The following RAB3C variants were observed in gnomAD, a reference collection of about 807,000 sequenced individuals.
RAB3C encodes RAB3C, member RAS oncogene family.
In RAB3C, 17 loss-of-function variants were observed where a neutral mutation model predicts 26.4. That is an observed-to-expected ratio of 0.64 (90% confidence interval 0.44 to 0.97). The LOEUF is 0.97. Ranked by LOEUF, RAB3C falls within the 50% of genes least tolerant of loss-of-function variation. RAB3C has a pLI of 0.00. For missense variants in RAB3C, 242 were observed against 281.9 expected (o/e 0.86, Z 1.01); for synonymous variants, 91 against 95.9 (o/e 0.95, Z 0.30).
At chr5:58,691,599 C>T (rs1400999558) in intron 2 of RAB3C, among the ~76,000 whole-genome samples, 1 of 152,098 alleles carries the variant, frequency 6.6e-6, no homozygotes. Context: ...CTGACTGGGA[C>T]TGAGACGGAA....
At chr5:58,670,936 C>T (rs529243865) in intron 2 of RAB3C, among the ~76,000 whole-genome samples, 2 of 152,232 alleles carry the variant, frequency 1.3e-5, no homozygotes, top group East Asian at 1.9e-4. Flanking sequence ...TCATGTCAAA[C>T]CCCTGGCCAT....
At chr5:58,810,039 T>C (rs1343155748) in intron 3 of RAB3C, among the ~76,000 whole-genome samples, 2 of 152,194 alleles carry the variant, frequency 1.3e-5, no homozygotes, top group African/African-American at 2.4e-5. Context: ...GTGGTGTTCC[T>C]TGACCCACAG....
chr5:58,828,450 T>G (rs1743538075), intron 4 of RAB3C, among the ~76,000 whole-genome samples: 1 of 152,202 alleles, frequency 6.6e-6, no homozygotes, highest in African/African-American at 2.4e-5. Context: ...TCCTGCACTC[T>G]GGCTTTCTAT....
chr5:58,839,944 T>C (rs2112078285), intron 4 of RAB3C, among the ~76,000 whole-genome samples: 1 of 151,612 alleles, frequency 6.6e-6, no homozygotes, highest in Non-Finnish European at 1.5e-5. Flanking sequence ...TTAAATATAT[T>C]ATTCCATTCC....
At chr5:58,739,139 G>A (rs293002) in intron 3 of RAB3C, among the ~76,000 whole-genome samples, 84,490 of 152,016 alleles carry the variant, frequency 0.56, 23,745 homozygotes, top group East Asian at 0.62. Context: ...GAACCTTACA[G>A]TTATTTTCAG....
At chr5:58,659,135 A>C (rs914718448) in intron 2 of RAB3C, among the ~76,000 whole-genome samples, 1 of 152,248 alleles carries the variant, frequency 6.6e-6, no homozygotes, top group African/African-American at 2.4e-5. Flanking sequence ...TCACACAGTG[A>C]ATTAATCACA....
At chr5:58,810,979 G>T (rs1441622658) in intron 3 of RAB3C, among the ~76,000 whole-genome samples, 2 of 152,146 alleles carry the variant, frequency 1.3e-5, no homozygotes, top group Non-Finnish European at 1.5e-5. Context: ...AGCCTCCAAG[G>T]AATGTGGTGT....
chr5:58,643,893 C>T (rs976314134), intron 2 of RAB3C, among the ~76,000 whole-genome samples: 2 of 152,186 alleles, frequency 1.3e-5, no homozygotes, highest in Admixed American at 1.3e-4. Context: ...GTGATCTCAG[C>T]TCACTGCAAC....
intron 1 of RAB3C, among the ~76,000 whole-genome samples, chr5:58,603,159 G>A (rs759999317): frequency 5.2e-4 from 79 of 152,236 alleles, no homozygotes; most frequent in African/African-American, 1.4e-3. Flanking sequence ...CTTCTAGCTC[G>A]TAGGGTTTCT....
chr5:58,849,762 C>T lies in RAB3C; in HGVS notation c.497-1402C>T, dbSNP rs964285512. The stretch of plus-strand genomic sequence containing the variant: ...GTAGTCATTGAACCAAATAGTATAA[C>T]GACTAAGTTGGAGATTTTAACTCAC... On this transcript the variant is annotated intron_variant, in intron 4 of 4. Transcript: ENST00000282878. Among the ~76,000 whole-genome samples, 10 of 152,240 alleles carry T rather than the reference C, an allele frequency of 6.6e-5. No homozygotes were observed. In the East Asian group the frequency reaches 9.6e-4, roughly 15 times the overall value.
At chr5:58,810,119 C>A (rs887695311) in intron 3 of RAB3C, among the ~76,000 whole-genome samples, 6 of 152,046 alleles carry the variant, frequency 3.9e-5, no homozygotes, top group African/African-American at 1.4e-4. Context: ...TGCTGAAAGC[C>A]GGGGAGAAAC....
At chr5:58,632,323 T>G (rs1225527850) in intron 2 of RAB3C, among the ~76,000 whole-genome samples, 1 of 152,198 alleles carries the variant, frequency 6.6e-6, no homozygotes, top group Non-Finnish European at 1.5e-5. Flanking sequence ...CCAGAGTCAG[T>G]CCCTTGTCGG....
intron 3 of RAB3C, among the ~76,000 whole-genome samples, chr5:58,736,813 C>T (rs1561304884): frequency 6.6e-6 from 1 of 152,164 alleles, no homozygotes; most frequent in Non-Finnish European, 1.5e-5. Flanking sequence ...CACAACTCAA[C>T]CCATAATACA....
chr5:58,820,032 T>A (rs1488774752), intron 3 of RAB3C, among the ~76,000 whole-genome samples: 9 of 152,012 alleles, frequency 5.9e-5, no homozygotes, highest in African/African-American at 1.9e-4. Context: ...TAGAAAGTTA[T>A]TGTGTATGCA....
chr5:58,651,811 G>A (rs751724706), intron 2 of RAB3C, among the ~76,000 whole-genome samples: 5 of 152,062 alleles, frequency 3.3e-5, no homozygotes, highest in Non-Finnish European at 5.9e-5. Context: ...TACCAAAATT[G>A]CCTGATGCTC....
At chr5:58,634,357 G>T (rs1024702072) in intron 2 of RAB3C, among the ~76,000 whole-genome samples, 1 of 152,108 alleles carries the variant, frequency 6.6e-6, no homozygotes, top group African/African-American at 2.4e-5. Flanking sequence ...TTCTGGTTAG[G>T]AGCACAGGCC....
chr5:58,715,616 G>C (rs1749154652), intron 2 of RAB3C, among the ~76,000 whole-genome samples: 1 of 152,108 alleles, frequency 6.6e-6, no homozygotes, highest in Non-Finnish European at 1.5e-5. Flanking sequence ...CGAGATATCT[G>C]TGTGTCCCAT....
At chr5:58,819,891 A>G (rs1011694611) in intron 3 of RAB3C, among the ~76,000 whole-genome samples, 1 of 152,190 alleles carries the variant, frequency 6.6e-6, no homozygotes, top group Non-Finnish European at 1.5e-5. Context: ...ACATTGAGAT[A>G]TGCCTTTTCA....
chr5:58,811,957 T>C (rs1227904864), intron 3 of RAB3C, among the ~76,000 whole-genome samples: 1 of 152,160 alleles, frequency 6.6e-6, no homozygotes, highest in Non-Finnish European at 1.5e-5. Flanking sequence ...GGCATTTTCC[T>C]GACATGGAGG....
Sources: gnomAD v4.1 joint callset for allele counts (sites outside exome capture counted in the v4.1 genomes callset) on GRCh38, gnomAD v4.1.1 for gene constraint, MANE v1.5 for transcripts, NCBI Gene and HGNC (gene_info 2026-07-23, HGNC 2026-07-21) for gene names.